RASA3: variants seen among roughly 807,000 people sequenced by gnomAD.
RASA3 encodes ras GTPase-activating protein 3.
RASA3 carries 73 observed loss-of-function variants against 110.0 expected under a neutral mutation model. That is an observed-to-expected ratio of 0.66 (90% CI 0.55 to 0.81). The LOEUF is 0.81. RASA3 is among the 30% of genes least tolerant of loss of function. The pLI is 0.00. For missense variants in RASA3, 976 were observed against 1,113.2 expected (o/e 0.88, Z 1.75); for synonymous variants, 500 against 451.4 (o/e 1.11, Z -1.37).
rs1445184580 is a variant in RASA3, at chr13:114,015,195, T to C, written c.1405+14A>G. On this transcript the variant is annotated intron_variant, in intron 14 of 23. Coordinates refer to ENST00000334062, the MANE Select transcript of RASA3 (RefSeq NM_007368.4). ...GCAGTTTCTCAGCAACATGAGGGTG[T>C]TCAGGGCACTCACCCTGGAAGCGCT... is the stretch of plus-strand genomic sequence containing the variant. The C allele has an allele frequency of 5.0e-6, 8 of 1,612,650 alleles. No individual in the cohort carries two copies. Among genetic ancestry groups the C allele is most frequent in the Non-Finnish European group, 5.1e-6 (6 of 1,179,884 alleles).
chr13:114,011,306 CCCA>C lies in RASA3; in HGVS notation c.1513-61_1513-59del. 1 of 1,459,740 alleles carries C rather than the reference CCCA, an allele frequency of 6.9e-7. No homozygotes were observed. The allele number at this position is 1,459,740 out of a possible 1,614,324, so 90.4% of individuals were successfully genotyped here. A position where few individuals can be genotyped will look rare whatever the true frequency, so the allele number is the denominator to read the frequency against. On this transcript the variant is annotated intron_variant, in intron 15 of 23. Coordinates refer to ENST00000334062, the MANE Select transcript of RASA3 (RefSeq NM_007368.4). This position sits in a 1 kb window ranked among gnomAD's most constrained non-coding sequence, Gnocchi z 4.8. ...AGCATCACAGAAATGCTGTGACTGT[CCCA>C]GATCGAGGGGACGAAATGCAGGAGT...
chr13:114,004,732 GA>G (rs201815599), intron 18 of RASA3, among the ~76,000 whole-genome samples: 2,352 of 152,314 alleles, frequency 0.015, 27 homozygotes, highest in Middle Eastern at 0.038. Flanking sequence ...GATTTCTCAA[GA>G]AGCTAAAGGC....
At chr13:114,069,656 AG>A (rs2079526391) in intron 2 of RASA3, among the ~76,000 whole-genome samples, 2 of 27,972 alleles carry the variant, frequency 7.2e-5, no homozygotes, top group Non-Finnish European at 1.3e-4. Context: ...AGACTCGGGG[AG>A]CCGGGAAACT....
chr13:114,090,338 A>G (rs1002695204), intron 1 of RASA3, among the ~76,000 whole-genome samples: 2 of 152,206 alleles, frequency 1.3e-5, no homozygotes, highest in African/African-American at 4.8e-5. Flanking sequence ...TCAGAGAAAT[A>G]TCTGTCTTTA....
chr13:114,015,362 T>C (rs762050230), intron 13 of RASA3, 30 bp from the exon 14 acceptor site: 9 of 1,609,756 alleles, frequency 5.6e-6, no homozygotes, highest in Admixed American at 5.0e-5. Context: ...TGGGACCCAC[T>C]CCCGAGGCTG....
intron 14 of RASA3, among the ~76,000 whole-genome samples, chr13:114,013,499 C>T (rs898929461): frequency 2.7e-5 from 4 of 146,740 alleles, no homozygotes; most frequent in African/African-American, 1.1e-4. Flanking sequence ...GTCTCTCTCT[C>T]TCTCCCTCTA....
chr13:114,010,083 T>A (rs779620399), intron 16 of RASA3, among the ~76,000 whole-genome samples: 5 of 152,180 alleles, frequency 3.3e-5, no homozygotes, highest in Non-Finnish European at 5.9e-5. Flanking sequence ...TTATGGAGTT[T>A]CCAGCCCACA....
At chr13:113,988,868 T>G (rs1189778833) in intron 22 of RASA3, among the ~76,000 whole-genome samples, 2 of 133,684 alleles carry the variant, frequency 1.5e-5, no homozygotes, top group Non-Finnish European at 3.2e-5. Context: ...AGTCACCCAT[T>G]GGTCCATCTG....
In RASA3 at chr13:114,087,563, G is replaced by A. The variant is rs375396148; in HGVS notation, c.56-13726C>T. ...TGGGAAGGCAAAGTCACCTGCACCC[G>A]CTCTGCAGCCCCGGCCTGCGCCTCT... On this transcript the variant is annotated intron_variant, in intron 1 of 23. Transcript: ENST00000334062. Among the ~76,000 whole-genome samples, 283 of 152,338 alleles carry A rather than the reference G, an allele frequency of 1.9e-3. 6 individuals carry two copies. The South Asian group carries it at 0.044, about 24-fold the overall frequency.
intron 1 of RASA3, chr13:114,077,963 T>C: frequency 2.4e-5 from 24 of 984,892 alleles, no homozygotes; most frequent in Non-Finnish European, 2.9e-5. Context: ...ACTGGTTTTG[T>C]TTCCAACTGT....
chr13:114,091,445 T>C (rs1011985700), intron 1 of RASA3, among the ~76,000 whole-genome samples: 20 of 151,896 alleles, frequency 1.3e-4, no homozygotes, highest in African/African-American at 4.8e-4. Flanking sequence ...TTGTATCAAA[T>C]GCTTTTCCAG....
chr13:114,009,594 C>T (rs1164975800), intron 16 of RASA3, 130 bp from the exon 17 acceptor site: 13 of 672,794 alleles, frequency 1.9e-5, no homozygotes, highest in Admixed American at 8.2e-5. Context: ...CCGGTGTTAC[C>T]GGGCAAGTGA....
chr13:114,049,218 C>T (rs2079103572), intron 3 of RASA3, among the ~76,000 whole-genome samples: 1 of 152,108 alleles, frequency 6.6e-6, no homozygotes, highest in African/African-American at 2.4e-5. Context: ...GCCAGGAAGC[C>T]AGTGGCCACC....
intron 1 of RASA3, among the ~76,000 whole-genome samples, chr13:114,097,138 G>T (rs1215693468): frequency 2.0e-5 from 3 of 152,212 alleles, no homozygotes; most frequent in Non-Finnish European, 4.4e-5. Flanking sequence ...CCTGAACCGA[G>T]CAGTTCTCCG....
chr13:114,105,125 T>A (rs1342937049), intron 1 of RASA3, among the ~76,000 whole-genome samples: 3 of 151,858 alleles, frequency 2.0e-5, no homozygotes, highest in Non-Finnish European at 4.4e-5. Context: ...TGGCCCCCAG[T>A]CAGGGCAGGT....
At chr13:114,098,783 G>A (rs183465536) in intron 1 of RASA3, among the ~76,000 whole-genome samples, 3 of 152,258 alleles carry the variant, frequency 2.0e-5, no homozygotes, top group African/African-American at 7.2e-5. Context: ...AAAGACCTCA[G>A]AAGGGATTTA....
chr13:114,104,536 G>A (rs971315710), intron 1 of RASA3, among the ~76,000 whole-genome samples: 13 of 152,060 alleles, frequency 8.5e-5, no homozygotes, highest in Non-Finnish European at 1.5e-4. Context: ...CTCCGGTGGC[G>A]GGCACACCCA....
At chr13:114,040,231 A>G (rs942628878) in intron 4 of RASA3, among the ~76,000 whole-genome samples, 16 of 152,140 alleles carry the variant, frequency 1.1e-4, no homozygotes, top group Non-Finnish European at 1.8e-4. Context: ...TGCAAAATCC[A>G]TGACAGAGCC....
intron 1 of RASA3, among the ~76,000 whole-genome samples, chr13:114,078,139 G>A (rs1039287670): frequency 3.3e-5 from 5 of 152,170 alleles, no homozygotes; most frequent in Middle Eastern, 3.2e-3. Flanking sequence ...ACGTCGCCCC[G>A]GGGCCTCGCC....
Sources: allele counts gnomAD v4.1 joint callset (sites outside exome capture counted in the v4.1 genomes callset), GRCh38; gene constraint gnomAD v4.1.1; non-coding constraint Gnocchi (gnomAD v3.1); transcripts MANE v1.5; gene names NCBI Gene and HGNC (gene_info 2026-07-23, HGNC 2026-07-21).